The following UGGT2 variants were observed in gnomAD, a reference collection of about 807,000 sequenced individuals.
UGGT2 encodes the protein UDP-glucose glycoprotein glucosyltransferase 2.
Under a neutral mutation model 192.1 loss-of-function variants are expected in UGGT2, and 180 were observed. The ratio of observed to expected loss-of-function variants is 0.94; its 90% CI spans 0.83 to 1.06. The LOEUF (loss-of-function observed/expected upper bound fraction) is 1.06. Ranked by LOEUF, UGGT2 falls within the 50% of genes least tolerant of loss-of-function variation. UGGT2 has a pLI of 0.00. For missense variants in UGGT2, 1,849 were observed against 1,795.7 expected, an observed-to-expected ratio of 1.03 and a Z score of -0.54; for synonymous variants, 580 against 591.0, an observed-to-expected ratio of 0.98 and a Z score of 0.27.
At position 95,960,889 on chromosome 13, in the gene UGGT2, G is replaced by A. The variant is rs548522055; in HGVS notation, c.1335+9223C>T. Among the ~76,000 whole-genome samples the A allele has an allele frequency of 8.5e-5, 13 of 152,254 alleles. 1 individual carries two copies. Among genetic ancestry groups the A allele is most frequent in the African/African-American group, 3.1e-4 (13 of 41,556 alleles). On this transcript the variant is annotated intron_variant, in intron 12 of 38. Coordinates refer to ENST00000376747, the MANE Select transcript of UGGT2 (RefSeq NM_020121.4). ...GAGAAAATGGCATGATATATTTAAA[G>A]TCCTGTAAGAAAATGCCTGCCAGTT...
At chr13:95,868,546 G>A (rs1326285514) in intron 29 of UGGT2, among the ~76,000 whole-genome samples, 3 of 152,138 alleles carry the variant, frequency 2.0e-5, no homozygotes, top group Admixed American at 6.6e-5. Flanking sequence ...CCAGTGACCT[G>A]TGAGCCGTGA....
At chr13:95,856,420 G>C (rs557245601) in intron 33 of UGGT2, 80 bp from the exon 34 acceptor site, 6 of 1,464,238 alleles carry the variant, frequency 4.1e-6, no homozygotes, top group Middle Eastern at 3.6e-4. Flanking sequence ...ACATTAAAAA[G>C]GTAAAGCTTC....
chr13:95,851,575 A>G (rs959411532), intron 36 of UGGT2, among the ~76,000 whole-genome samples: 2 of 152,194 alleles, frequency 1.3e-5, no homozygotes, highest in African/African-American at 2.4e-5. Context: ...ATAGAGAGTC[A>G]AGAGAGTGTC....
intron 1 of UGGT2, among the ~76,000 whole-genome samples, chr13:96,034,789 C>G (rs1414381284): frequency 6.6e-6 from 1 of 152,238 alleles, no homozygotes; most frequent in Non-Finnish European, 1.5e-5. Context: ...GCCCACCCCA[C>G]TGCAGCTGGC....
chr13:95,964,231 T>A (rs933717598), intron 12 of UGGT2, among the ~76,000 whole-genome samples: 4 of 152,130 alleles, frequency 2.6e-5, no homozygotes, highest in African/African-American at 9.7e-5. Flanking sequence ...GACACCCTCT[T>A]GAATACATGG....
At chr13:95,843,801 C>A (rs1323562983) in intron 36 of UGGT2, among the ~76,000 whole-genome samples, 1 of 151,936 alleles carries the variant, frequency 6.6e-6, no homozygotes, top group Non-Finnish European at 1.5e-5. Context: ...TTTCTGGGTT[C>A]TTTATTCTAA....
At chr13:95,891,048 T>A (rs1476567450) in intron 24 of UGGT2, 84 bp from the exon 25 acceptor site, 1 of 978,500 alleles carries the variant, frequency 1.0e-6, no homozygotes, top group Non-Finnish European at 1.5e-6. Flanking sequence ...ATAATTCTTA[T>A]AAATTGTTTT....
chr13:95,950,690 TAAA>T (rs1156784312), intron 12 of UGGT2, among the ~76,000 whole-genome samples: 1 of 151,118 alleles, frequency 6.6e-6, no homozygotes, highest in Non-Finnish European at 1.5e-5. Context: ...CAAAAATTTC[TAAA>T]AAGAAAAATT....
intron 17 of UGGT2, among the ~76,000 whole-genome samples, chr13:95,931,410 T>C (rs1454628501): frequency 6.6e-6 from 1 of 152,006 alleles, no homozygotes; most frequent in Non-Finnish European, 1.5e-5. Context: ...CAGGGGGAGC[T>C]GCCCGCCACT....
chr13:95,945,453 C>A (rs58004853), intron 15 of UGGT2, among the ~76,000 whole-genome samples: 1,663 of 152,134 alleles, frequency 0.011, 37 homozygotes, highest in African/African-American at 0.036. Context: ...TTGTATTAAA[C>A]CCTGTGGTTT....
At chr13:96,002,387 AC>A (rs1010010201) in intron 5 of UGGT2, among the ~76,000 whole-genome samples, 2 of 152,212 alleles carry the variant, frequency 1.3e-5, no homozygotes, top group African/African-American at 4.8e-5. Context: ...TTTTCTGAAA[AC>A]ACTTTCATCA....
chr13:96,038,790 C>T (rs2053081052), intron 1 of UGGT2, among the ~76,000 whole-genome samples: 1 of 152,140 alleles, frequency 6.6e-6, no homozygotes, highest in Non-Finnish European at 1.5e-5. Context: ...ATATATTTCC[C>T]TTTGCCAACA....
chr13:95,885,912 T>G (rs2047632775), intron 26 of UGGT2, among the ~76,000 whole-genome samples: 1 of 151,998 alleles, frequency 6.6e-6, no homozygotes. Flanking sequence ...TGACCATTCT[T>G]TGAAGAAATT....
At chr13:95,810,639 AAT>A (rs1884534714) in intron 38 of UGGT2, among the ~76,000 whole-genome samples, 1 of 152,170 alleles carries the variant, frequency 6.6e-6, no homozygotes, top group South Asian at 2.1e-4. Flanking sequence ...AAATTTTTCC[AAT>A]ATGTTTGTTG....
intron 10 of UGGT2, among the ~76,000 whole-genome samples, chr13:95,980,939 A>C (rs1329007556): frequency 6.6e-6 from 1 of 152,216 alleles, no homozygotes; most frequent in Admixed American, 6.5e-5. Flanking sequence ...CAGAGGCTGC[A>C]GTGAGCCAAG....
intron 6 of UGGT2, among the ~76,000 whole-genome samples, chr13:95,998,456 G>C (rs571874439): frequency 2.6e-5 from 4 of 152,172 alleles, no homozygotes; most frequent in East Asian, 3.9e-4. Context: ...TCAGTAGGAG[G>C]AGCCAGAGAG....
At chr13:95,925,401 T>A (rs1291837544) in intron 20 of UGGT2, among the ~76,000 whole-genome samples, 1 of 152,178 alleles carries the variant, frequency 6.6e-6, no homozygotes, top group Non-Finnish European at 1.5e-5. Context: ...CTAGAGTTAC[T>A]TACTTTGTTT....
Position 95,983,817 on chromosome 13 carries a change from T to G in UGGT2, c.1079A>C (p.Lys360Thr). 2.6e-6 allele frequency: 4 copies of G among 1,565,092 alleles called. No individual in the cohort carries two copies. The highest frequency in any genetic ancestry group is 3.5e-6 in the Non-Finnish European group (4 of 1,154,356). Residue 360 changes from lysine to threonine, a missense_variant, in exon 10 of 39, where the codon AAG becomes ACG. Coordinates refer to ENST00000376747, the MANE Select transcript of UGGT2 (RefSeq NM_020121.4). ...AVNQHMREEIKENQKDLQVRF... is the reference protein window; with the variant it reads ...AVNQHMREEITENQKDLQVRF... ...ATTCAAACAAACCTTTTGATTTTCC[T>G]TTATTTCTTCTCTCATATGTTGATT...
intron 20 of UGGT2, among the ~76,000 whole-genome samples, chr13:95,910,241 A>G (rs1485883804): frequency 1.3e-5 from 2 of 152,232 alleles, no homozygotes; most frequent in African/African-American, 2.4e-5. Context: ...ACACATAACA[A>G]TATTAACCTG....
Sources: allele counts gnomAD v4.1 joint callset (sites outside exome capture counted in the v4.1 genomes callset), GRCh38; gene constraint gnomAD v4.1.1; transcripts MANE v1.5; gene names NCBI Gene and HGNC (gene_info 2026-07-23, HGNC 2026-07-21).